ADA2: variants seen among roughly 807,000 people sequenced by gnomAD.
ADA2 encodes the protein adenosine deaminase 2.
ADA2 carries 29 observed loss-of-function variants against 44.2 expected under a neutral mutation model. The observed-to-expected ratio is 0.66, with a 90% CI of 0.49 to 0.89. ADA2 has a LOEUF of 0.89. ADA2 is among the 40% of genes least tolerant of loss of function. The pLI, the probability that ADA2 is intolerant of heterozygous loss-of-function variation, is 0.00. For missense variants in ADA2, 637 were observed against 644.8 expected, an observed-to-expected ratio of 0.99 and a Z score of 0.13; for synonymous variants, 215 against 234.9, an observed-to-expected ratio of 0.92 and a Z score of 0.77.
chr22:17,214,146 C>A, intron 1 of ADA2: 1 of 733,224 alleles, frequency 1.4e-6, no homozygotes, highest in Non-Finnish European at 2.4e-6. Flanking sequence ...CCAGAGTCAG[C>A]TGGACGAAAT....
chr22:17,206,169 G>A (rs1174763328), intron 3 of ADA2, among the ~76,000 whole-genome samples: 2 of 152,028 alleles, frequency 1.3e-5, no homozygotes, highest in Admixed American at 6.6e-5. Flanking sequence ...CAGCAATAGT[G>A]TTGCTGACTA....
chr22:17,199,442 C>CCCTT, intron 4 of ADA2: 1 of 1,022,722 alleles, frequency 9.8e-7, no homozygotes, highest in Non-Finnish European at 1.5e-6. Context: ...CTATCCTCTT[C>CCCTT]CCCTCCACCC....
chr22:17,185,348 G>A (rs12159872), intron 7 of ADA2, among the ~76,000 whole-genome samples: 4,243 of 151,944 alleles, frequency 0.028, 186 homozygotes, highest in African/African-American at 0.095. Flanking sequence ...CCTGGGAGGC[G>A]GAGCTTGCAG....
Position 17,206,934 on chromosome 22 carries a change from G to A in ADA2, c.542+137C>T, listed in dbSNP as rs115264526. 2.0e-3 allele frequency: 1,304 copies of A among 656,690 alleles called. 8 individuals are homozygous for A. In the African/African-American group the frequency reaches 0.02, roughly 10 times the overall value. The allele number at this position is 656,690 out of a possible 1,614,324, so 40.7% of individuals were successfully genotyped here. A position where few individuals can be genotyped will look rare whatever the true frequency, so the allele number is the denominator to read the frequency against. On this transcript the variant is annotated intron_variant, in intron 3 of 9. Transcript: ENST00000399837. ...CTCCCAAAGTGCTGGGATTATAGGCGTGAACCACCGCACTCAGCCTTGCCT... is the reference window on the plus strand; with the variant it reads ...CTCCCAAAGTGCTGGGATTATAGGCATGAACCACCGCACTCAGCCTTGCCT...
chr22:17,195,830 G>T (rs537745620), intron 4 of ADA2, among the ~76,000 whole-genome samples: 2 of 149,320 alleles, frequency 1.3e-5, no homozygotes, highest in Non-Finnish European at 3.0e-5. Flanking sequence ...GTGCGATCTC[G>T]GCTCACTTTA....
intron 4 of ADA2, among the ~76,000 whole-genome samples, chr22:17,203,142 G>A (rs1430292769): frequency 6.6e-6 from 1 of 152,154 alleles, no homozygotes; most frequent in Non-Finnish European, 1.5e-5. Flanking sequence ...ACTGCTCAAA[G>A]GTGACCTTGT....
At chr22:17,196,824 G>A (rs1456499120) in intron 4 of ADA2, among the ~76,000 whole-genome samples, 1 of 152,092 alleles carries the variant, frequency 6.6e-6, no homozygotes, top group East Asian at 1.9e-4. Flanking sequence ...GAATAGAAGG[G>A]AGACCAAAGA....
chr22:17,217,752 G>A (rs2062487308), intron 1 of ADA2, among the ~76,000 whole-genome samples: 1 of 152,150 alleles, frequency 6.6e-6, no homozygotes, highest in South Asian at 2.1e-4. Flanking sequence ...AGGTTTCAGT[G>A]AGCCTAGATT....
intron 1 of ADA2, chr22:17,213,661 A>G: frequency 3.7e-6 from 1 of 269,146 alleles, no homozygotes; most frequent in Middle Eastern, 4.3e-4. Context: ...GAGGAGGAGA[A>G]GCAGCACGGC....
In ADA2 at chr22:17,219,363, C is replaced by CAGCTCCAGAAACTG. The variant is rs1385621472; in HGVS notation, c.-68_-55dup. 6.6e-6 allele frequency: 1 copy of CAGCTCCAGAAACTG among 152,360 alleles called. No individual in the cohort carries two copies. Among genetic ancestry groups the CAGCTCCAGAAACTG allele is most frequent in the Non-Finnish European group, 1.5e-5 (1 of 68,156 alleles). 9.4% of individuals were successfully genotyped at this position (152,360 alleles called of 1,614,324 possible). On this transcript the variant is annotated 5_prime_UTR_variant, in exon 1 of 10. Coordinates refer to ENST00000399837, the MANE Select transcript of ADA2 (RefSeq NM_001282225.2). ...CCAAAGGACCCCAGTTACCTCGGAA[C>CAGCTCCAGAAACTG]AGCTCCAGAAACTGAGGGCTGTTTG... is the stretch of plus-strand genomic sequence containing the variant.
At position 17,179,325 on chromosome 22, in the gene ADA2, A is replaced by C. The variant is rs2061943124; in HGVS notation, c.*2158T>G. On this transcript the variant is annotated 3_prime_UTR_variant, in exon 10 of 10. Transcript: ENST00000399837. ...CACTCATTCAATGCATTGTTTATTG[A>C]GTACTAACTAGCTTTGGGCCCAGGC... 6.6e-6 allele frequency: 1 copy of C among 152,270 alleles called. No homozygotes were observed. The highest frequency in any genetic ancestry group is 6.5e-5 in the Admixed American group (1 of 15,292). 9.4% of individuals were successfully genotyped at this position (152,270 alleles called of 1,614,324 possible). A position where few individuals can be genotyped will look rare whatever the true frequency, so the allele number is the denominator to read the frequency against.
chr22:17,199,423 T>TCCCCACCTCTATCCTCTTCCCCTCCCA, intron 4 of ADA2: 2 of 902,822 alleles, frequency 2.2e-6, no homozygotes, highest in Non-Finnish European at 3.7e-6. Flanking sequence ...GTCTCCTCCC[T>TCCCCACCTCTATCCTCTTCCCCTCCCA]CCCCTCCTCT....
chr22:17,210,991 C>T (rs769038932), intron 1 of ADA2, among the ~76,000 whole-genome samples: 5 of 152,256 alleles, frequency 3.3e-5, no homozygotes, highest in Non-Finnish European at 7.4e-5. Context: ...CTGCAATGAG[C>T]TTTGACCTCA....
At chr22:17,220,207 G>A (rs928279462), upstream of ADA2, among the ~76,000 whole-genome samples, 5 of 151,998 alleles carry the variant, frequency 3.3e-5, no homozygotes, top group African/African-American at 1.2e-4. Context: ...GTTTTAGGGG[G>A]GAAATCAGGG....
chr22:17,188,585 A>G, intron 6 of ADA2, 138 bp from the exon 7 acceptor site: 1 of 592,174 alleles, frequency 1.7e-6, no homozygotes, highest in Non-Finnish European at 3.0e-6. Context: ...CCTTTTAAGA[A>G]TGACCAGGAG....
chr22:17,195,590 G>T (rs890643377), intron 4 of ADA2, among the ~76,000 whole-genome samples: 1 of 151,906 alleles, frequency 6.6e-6, no homozygotes. Flanking sequence ...CAGTCTTGCC[G>T]TGTCGTCCAG....
At chr22:17,194,961 C>A (rs574753486) in intron 4 of ADA2, among the ~76,000 whole-genome samples, 1 of 152,084 alleles carries the variant, frequency 6.6e-6, no homozygotes, top group South Asian at 2.1e-4. Context: ...AGGAGAATCA[C>A]CCTTACCACC....
intron 3 of ADA2, among the ~76,000 whole-genome samples, chr22:17,205,178 C>T (rs569367417): frequency 6.6e-5 from 10 of 152,182 alleles, no homozygotes; most frequent in South Asian, 4.2e-4. Context: ...CCAGCATGCA[C>T]GGCTAATTTT....
chr22:17,209,959 C>T (rs373694353), intron 1 of ADA2: 2 of 365,890 alleles, frequency 5.5e-6, no homozygotes, highest in Non-Finnish European at 4.9e-6. Flanking sequence ...GGTGCAATCT[C>T]GGCTCACTGC....
Sources: allele counts gnomAD v4.1 joint callset (sites outside exome capture counted in the v4.1 genomes callset), GRCh38; gene constraint gnomAD v4.1.1; transcripts MANE v1.5; gene names NCBI Gene and HGNC (gene_info 2026-07-23, HGNC 2026-07-21).